Variants in TCF4 observed in about 807,000 individuals in gnomAD.
TCF4 encodes the protein transcription factor 4.
Under a neutral mutation model 82.1 loss-of-function variants are expected in TCF4, and 3 were observed. The ratio of observed to expected loss-of-function variants is 0.04; its 90% CI spans 0.02 to 0.09. The LOEUF is 0.09. Ranked by LOEUF, TCF4 falls within the 10% of genes least tolerant of loss-of-function variation. The pLI is 1.00. For synonymous variants in TCF4, 276 were observed against 309.6 expected, an observed-to-expected ratio of 0.89 and a Z score of 1.14; for missense variants, 518 against 852.7, an observed-to-expected ratio of 0.61 and a Z score of 4.89.
chr18:55,301,788 TAAAAA>T (rs10652622), intron 8 of TCF4, among the ~76,000 whole-genome samples: 2 of 56,320 alleles, frequency 3.6e-5, no homozygotes, highest in African/African-American at 8.0e-5. Flanking sequence ...CCAAAAACTG[TAAAAA>T]AAAAAAAAAA....
chr18:55,576,980 T>C (rs997358776), intron 3 of TCF4, among the ~76,000 whole-genome samples: 3 of 151,206 alleles, frequency 2.0e-5, no homozygotes, highest in African/African-American at 4.8e-5. Context: ...TGTTAGAATA[T>C]ATGCCCTCTG....
chr18:55,273,226 CT>C (rs1222024393), intron 10 of TCF4, among the ~76,000 whole-genome samples: 2 of 152,124 alleles, frequency 1.3e-5, no homozygotes, highest in African/African-American at 4.8e-5. Flanking sequence ...ATATGTGGAT[CT>C]TAAGCTTTAT....
chr18:55,373,239 G>C (rs2089828276), intron 6 of TCF4, among the ~76,000 whole-genome samples: 1 of 151,584 alleles, frequency 6.6e-6, no homozygotes, highest in African/African-American at 2.4e-5. Context: ...AAAGCATGTA[G>C]AGAACATTAC....
intron 8 of TCF4, chr18:55,302,490 G>C (rs1239652308): frequency 6.5e-7 from 1 of 1,536,106 alleles, no homozygotes; most frequent in Admixed American, 2.0e-5. Flanking sequence ...TTCATCCTGT[G>C]GTGTTGTTTG....
At chr18:55,517,155 C>A (rs1270322788) in intron 3 of TCF4, among the ~76,000 whole-genome samples, 1 of 152,186 alleles carries the variant, frequency 6.6e-6, no homozygotes, top group Non-Finnish European at 1.5e-5. Context: ...AGTTTCTTAG[C>A]ACCCTGATAC....
At chr18:55,446,862 T>TG (rs1450191522) in intron 5 of TCF4, among the ~76,000 whole-genome samples, 12 of 151,754 alleles carry the variant, frequency 7.9e-5, no homozygotes, top group African/African-American at 2.9e-4. Flanking sequence ...GGTAGATGCC[T>TG]GTAGTCCCAG....
chr18:55,570,987 C>A (rs1418733341), intron 3 of TCF4, among the ~76,000 whole-genome samples: 1 of 151,536 alleles, frequency 6.6e-6, no homozygotes, highest in East Asian at 1.9e-4. Context: ...GGTGGGAGTG[C>A]AGATCAGTAA....
At chr18:55,546,898 G>A (rs1384719521) in intron 3 of TCF4, 1 of 152,210 alleles carries the variant, frequency 6.6e-6, no homozygotes, top group Non-Finnish European at 1.5e-5. Flanking sequence ...AAAGCTCCCA[G>A]CACGTGTTTC....
chr18:55,270,914 G>A (rs2060211872), intron 10 of TCF4, among the ~76,000 whole-genome samples: 1 of 152,030 alleles, frequency 6.6e-6, no homozygotes, highest in African/African-American at 2.4e-5. Context: ...TTATGTAAAG[G>A]CAATATATTA....
At position 55,534,452 on chromosome 18, in the gene TCF4, G is replaced by A. The variant is rs758060326; in HGVS notation, c.145+50828C>T. On this transcript the variant is annotated intron_variant, in intron 3 of 19. Transcript: ENST00000354452. ...CATAAGTGAGGGATGGTAGACTTGG[G>A]AAGGGGCTCCAAGCCCCTCTACTCC... is the stretch of plus-strand genomic sequence containing the variant. Among the ~76,000 whole-genome samples, 7 of 152,360 alleles carry A rather than the reference G, an allele frequency of 4.6e-5. 1 individual carries two copies. The highest frequency in any genetic ancestry group is 4.6e-4 in the Admixed American group (7 of 15,300).
chr18:55,378,957 A>G (rs745494232), intron 6 of TCF4, among the ~76,000 whole-genome samples: 4 of 152,246 alleles, frequency 2.6e-5, no homozygotes, highest in Non-Finnish European at 4.4e-5. Context: ...AAAGGTGTCA[A>G]ATAAGATGTC....
intron 6 of TCF4, among the ~76,000 whole-genome samples, chr18:55,358,856 C>T (rs1362529744): frequency 6.6e-6 from 1 of 152,092 alleles, no homozygotes; most frequent in African/African-American, 2.4e-5. Flanking sequence ...AAACTCCTTG[C>T]CTGGGAAATG....
intron 8 of TCF4, among the ~76,000 whole-genome samples, chr18:55,286,721 A>C (rs2063770033): frequency 6.6e-6 from 1 of 152,244 alleles, no homozygotes; most frequent in African/African-American, 2.4e-5. Flanking sequence ...CCACAGGATT[A>C]AAGCTCATTC....
intron 3 of TCF4, among the ~76,000 whole-genome samples, chr18:55,556,402 GTAAA>G (rs1247801426): frequency 6.6e-6 from 1 of 152,158 alleles, no homozygotes; most frequent in East Asian, 1.9e-4. Flanking sequence ...ATTCATAAAT[GTAAA>G]TAAATAAGAT....
At chr18:55,461,589 T>C (rs2095868630) in intron 4 of TCF4, among the ~76,000 whole-genome samples, 2 of 152,202 alleles carry the variant, frequency 1.3e-5, no homozygotes, top group South Asian at 4.1e-4. Flanking sequence ...GAAGTTTCAA[T>C]GTTTTATTAT....
intron 5 of TCF4, chr18:55,422,073 A>AGTGTTG: frequency 1.7e-6 from 1 of 574,770 alleles, no homozygotes; most frequent in Non-Finnish European, 2.2e-6. Flanking sequence ...CTAAACCACA[A>AGTGTTG]AGGGAATAGA....
At chr18:55,333,551 C>G (rs900851735) in intron 8 of TCF4, among the ~76,000 whole-genome samples, 15 of 152,014 alleles carry the variant, frequency 9.9e-5, no homozygotes, top group African/African-American at 3.6e-4. Context: ...AATGCAGGTG[C>G]TTCATTTCAA....
At chr18:55,442,686 T>C (rs1430310059) in intron 5 of TCF4, among the ~76,000 whole-genome samples, 1 of 152,142 alleles carries the variant, frequency 6.6e-6, no homozygotes, top group Non-Finnish European at 1.5e-5. Flanking sequence ...TTATAAATAA[T>C]TGGATACAAT....
intron 12 of TCF4, among the ~76,000 whole-genome samples, chr18:55,260,562 C>T (rs1393760023): frequency 6.6e-6 from 1 of 152,038 alleles, no homozygotes; most frequent in Non-Finnish European, 1.5e-5. Flanking sequence ...TCTCCACTTA[C>T]ATTTATTTAT....
Sources: allele counts gnomAD v4.1 joint callset (sites outside exome capture counted in the v4.1 genomes callset), GRCh38; gene constraint gnomAD v4.1.1; transcripts MANE v1.5; gene names NCBI Gene and HGNC (gene_info 2026-07-23, HGNC 2026-07-21).